CDH20: variants seen among roughly 807,000 people sequenced by gnomAD.
CDH20 encodes cadherin 20.
CDH20 carries 29 observed loss-of-function variants against 74.2 expected under a neutral mutation model. That is an observed-to-expected ratio of 0.39 (90% CI 0.29 to 0.53). The LOEUF (loss-of-function observed/expected upper bound fraction) is 0.53, where lower values mean the gene tolerates loss of function less well. CDH20 is among the 20% of genes least tolerant of loss of function. The pLI, the probability that CDH20 is intolerant of heterozygous loss-of-function variation, is 0.69. For synonymous variants in CDH20, 469 were observed against 405.4 expected (o/e 1.16, Z -1.88); for missense variants, 988 against 1,048.3 (o/e 0.94, Z 0.79).
chr18:61,549,045 G>C (rs1913344467), intron 10 of CDH20, among the ~76,000 whole-genome samples: 1 of 152,146 alleles, frequency 6.6e-6, no homozygotes, highest in Non-Finnish European at 1.5e-5. Context: ...TTAGCTTTGA[G>C]AATCACTTCT....
At chr18:61,347,355 T>A (rs1266862766) in intron 1 of CDH20, among the ~76,000 whole-genome samples, 1 of 137,136 alleles carries the variant, frequency 7.3e-6, no homozygotes, top group Admixed American at 7.1e-5. Flanking sequence ...CACACACATA[T>A]ATATATACAC....
intron 9 of CDH20, among the ~76,000 whole-genome samples, chr18:61,540,172 G>T (rs553932616): frequency 6.6e-6 from 1 of 152,040 alleles, no homozygotes; most frequent in Non-Finnish European, 1.5e-5. Context: ...TCCCCTAATA[G>T]TCCTCATCTA....
Position 61,545,065 on chromosome 18 carries a change from A to G in CDH20, c.1569A>G (p.Pro523=). The change falls in exon 10 of 12, where the codon CCA becomes CCG. Residue 523 remains proline (P), a synonymous_variant. Transcript: ENST00000262717. ...TGAGTGCGGTGGACCAAGATGACCCACGCAATGGTCAGCATTTCTACTACA... is the reference window on the plus strand; with the variant it reads ...TGAGTGCGGTGGACCAAGATGACCCGCGCAATGGTCAGCATTTCTACTACA... ...QTVSAVDQDD[P]RNGQHFYYSL... is the part of the protein sequence containing the mutation. The G allele has an allele frequency of 3.1e-6, 5 of 1,613,904 alleles. No homozygotes were observed. Among genetic ancestry groups the G allele is most frequent in the East Asian group, 2.2e-5 (1 of 44,864 alleles).
At chr18:61,444,140 A>G (rs1393877303) in intron 1 of CDH20, among the ~76,000 whole-genome samples, 1 of 152,034 alleles carries the variant, frequency 6.6e-6, no homozygotes, top group Non-Finnish European at 1.5e-5. Context: ...TTATTTATTT[A>G]TGGTCCATCT....
intron 6 of CDH20, among the ~76,000 whole-genome samples, chr18:61,510,980 CTT>C (rs112741210): frequency 2.9e-5 from 4 of 136,004 alleles, no homozygotes; most frequent in Admixed American, 7.6e-5. Flanking sequence ...TTCTTTCTTT[CTT>C]TTTTTTTTTT....
chr18:61,430,016 C>T (rs142204483), intron 1 of CDH20, among the ~76,000 whole-genome samples: 2 of 151,742 alleles, frequency 1.3e-5, no homozygotes, highest in East Asian at 3.9e-4. Flanking sequence ...GTCATCCTGA[C>T]AGCACAGGCT....
rs1160599810 is a variant in CDH20, at chr18:61,555,418, G to A, written c.*723G>A. ...CGTGTCTCCTCTCAGCTATTTAACT[G>A]TGCCCCTGCAAAATTGTTCAGAATG... On this transcript the variant is annotated 3_prime_UTR_variant, in exon 12 of 12. Transcript: ENST00000262717. The A allele has an allele frequency of 3.0e-6, 3 of 985,302 alleles. No individual in the cohort carries two copies. The highest frequency in any genetic ancestry group is 1.7e-5 in the African/African-American group (1 of 57,224). The allele number at this position is 985,302 out of a possible 1,614,324, so 61.0% of individuals were successfully genotyped here.
intron 1 of CDH20, among the ~76,000 whole-genome samples, chr18:61,428,464 C>T (rs959020650): frequency 1.1e-4 from 16 of 152,250 alleles, no homozygotes; most frequent in East Asian, 7.7e-4. Context: ...AGTGCAAAAG[C>T]GGTAGCACAG....
chr18:61,524,778 A>G (rs1411435420), intron 6 of CDH20, among the ~76,000 whole-genome samples: 1 of 152,158 alleles, frequency 6.6e-6, no homozygotes, highest in Non-Finnish European at 1.5e-5. Flanking sequence ...AAAATTAGCC[A>G]GGCGTGGTGG....
chr18:61,414,922 T>G (rs895819465), intron 1 of CDH20, among the ~76,000 whole-genome samples: 18 of 152,062 alleles, frequency 1.2e-4, no homozygotes, highest in African/African-American at 4.3e-4. Context: ...CCACCATCCA[T>G]CTCCAGAACT....
At chr18:61,422,853 C>G (rs1912931993) in intron 1 of CDH20, among the ~76,000 whole-genome samples, 1 of 151,836 alleles carries the variant, frequency 6.6e-6, no homozygotes, top group Admixed American at 6.6e-5. Flanking sequence ...ATAAAACTGT[C>G]CATGACTCAT....
intron 4 of CDH20, among the ~76,000 whole-genome samples, chr18:61,502,429 A>G (rs1391712129): frequency 6.6e-6 from 1 of 152,212 alleles, no homozygotes; most frequent in Non-Finnish European, 1.5e-5. Flanking sequence ...AGGAAAATCC[A>G]ATTAGAATTC....
At chr18:61,386,878 T>TA (rs1267134706) in intron 1 of CDH20, among the ~76,000 whole-genome samples, 1 of 152,208 alleles carries the variant, frequency 6.6e-6, no homozygotes, top group Non-Finnish European at 1.5e-5. Flanking sequence ...AGATTGAAAG[T>TA]AAAATATATG....
At chr18:61,386,711 C>A (rs1911611697) in intron 1 of CDH20, among the ~76,000 whole-genome samples, 1 of 152,124 alleles carries the variant, frequency 6.6e-6, no homozygotes, top group Non-Finnish European at 1.5e-5. Context: ...AATTTTATTT[C>A]ATCCTTTTGA....
At position 61,555,231 on chromosome 18, in the gene CDH20, T is replaced by C; in HGVS notation, c.*536T>C. 1.0e-6 allele frequency: 1 copy of C among 956,668 alleles called. No individual in the cohort carries two copies. Among genetic ancestry groups the C allele is most frequent in the Non-Finnish European group, 1.2e-6 (1 of 824,886 alleles). The allele number at this position is 956,668 out of a possible 1,614,324, so 59.3% of individuals were successfully genotyped here. A position where few individuals can be genotyped will look rare whatever the true frequency, so the allele number is the denominator to read the frequency against. Reference sequence around the variant, plus strand: ...GTTCTGGGATGGATGGAATTTCCCGTAACCCTTTTGAGACAAGGTTAAGAC... The same window carrying C: ...GTTCTGGGATGGATGGAATTTCCCGCAACCCTTTTGAGACAAGGTTAAGAC... On this transcript the variant is annotated 3_prime_UTR_variant, in exon 12 of 12. Transcript: ENST00000262717.
intron 1 of CDH20, among the ~76,000 whole-genome samples, chr18:61,432,232 A>C (rs1311050127): frequency 1.3e-5 from 2 of 148,606 alleles, no homozygotes; most frequent in Admixed American, 6.7e-5. Flanking sequence ...TGACAAGAAC[A>C]AAACTCTATC....
At chr18:61,352,840 C>A (rs752421066) in intron 1 of CDH20, among the ~76,000 whole-genome samples, 3 of 152,192 alleles carry the variant, frequency 2.0e-5, no homozygotes, top group Non-Finnish European at 4.4e-5. Flanking sequence ...GGCTTACTCA[C>A]TATTTCACAA....
intron 9 of CDH20, among the ~76,000 whole-genome samples, chr18:61,543,328 AAACAGC>A (rs1158358814): frequency 6.6e-6 from 1 of 152,184 alleles, no homozygotes; most frequent in Admixed American, 6.5e-5. Flanking sequence ...GCTGGCTTTT[AAACAGC>A]AGGATTGGCA....
At chr18:61,540,185 G>C (rs550675031) in intron 9 of CDH20, among the ~76,000 whole-genome samples, 5 of 152,222 alleles carry the variant, frequency 3.3e-5, no homozygotes, top group African/African-American at 9.6e-5. Flanking sequence ...CTCATCTACT[G>C]CCCTTCCCCA....
Sources: gnomAD v4.1 joint callset for allele counts (sites outside exome capture counted in the v4.1 genomes callset) on GRCh38, gnomAD v4.1.1 for gene constraint, MANE v1.5 for transcripts, NCBI Gene and HGNC (gene_info 2026-07-23, HGNC 2026-07-21) for gene names.